SAMD5: variants seen among roughly 807,000 people sequenced by gnomAD.
SAMD5 encodes sterile alpha motif domain-containing protein 5.
SAMD5 carries 13 observed loss-of-function variants against 11.3 expected under a neutral mutation model. The ratio of observed to expected loss-of-function variants is 1.15; its 90% CI spans 0.75 to 1.83. SAMD5 has a LOEUF of 1.83. SAMD5 is among the 40% of genes most tolerant of loss of function. The pLI is 0.00. For missense variants in SAMD5, 255 were observed against 239.1 expected, an observed-to-expected ratio of 1.07 and a Z score of -0.44; for synonymous variants, 129 against 111.3, an observed-to-expected ratio of 1.16 and a Z score of -1.00.
the SAMD5 span, among the ~76,000 whole-genome samples, chr6:147,945,968 C>A: frequency 6.6e-6 from 1 of 152,210 alleles, no homozygotes; most frequent in African/African-American, 2.4e-5. Context: ...GCCGAGCATT[C>A]AAGGACCACT....
chr6:147,765,208 T>TC, the SAMD5 span, among the ~76,000 whole-genome samples: 1 of 151,510 alleles, frequency 6.6e-6, no homozygotes, highest in African/African-American at 2.4e-5. Context: ...TATTTTCTTG[T>TC]CTTTTTTTTG....
At chr6:147,890,463 A>G in the SAMD5 span, among the ~76,000 whole-genome samples, 1 of 151,690 alleles carries the variant, frequency 6.6e-6, no homozygotes, top group African/African-American at 2.4e-5. Context: ...GATTCAAGCA[A>G]TTCTCCTGTC....
the SAMD5 span, among the ~76,000 whole-genome samples, chr6:147,752,572 GAC>G: frequency 0.027 from 4,100 of 152,232 alleles, 145 homozygotes; most frequent in African/African-American, 0.082. Context: ...TTGAAAAAAT[GAC>G]AGTTTGTGTG....
intron 1 of SAMD5, among the ~76,000 whole-genome samples, chr6:147,601,760 G>C (rs914256527): frequency 1.3e-5 from 2 of 152,192 alleles, no homozygotes; most frequent in East Asian, 3.8e-4. Context: ...TGGTACTAAA[G>C]GATGAATCAT....
At chr6:147,915,013 A>G in the SAMD5 span, among the ~76,000 whole-genome samples, 1 of 152,330 alleles carries the variant, frequency 6.6e-6, no homozygotes, top group South Asian at 2.1e-4. Context: ...CTAAAGAGAC[A>G]TGAGAACTAA....
the SAMD5 span, among the ~76,000 whole-genome samples, chr6:147,848,960 A>G: frequency 6.6e-6 from 1 of 152,168 alleles, no homozygotes; most frequent in Non-Finnish European, 1.5e-5. Flanking sequence ...CTTTTTCTGT[A>G]AAGAGACAGA....
the SAMD5 span, among the ~76,000 whole-genome samples, chr6:147,811,600 G>A: frequency 1.3e-5 from 2 of 152,170 alleles, no homozygotes; most frequent in East Asian, 3.9e-4. Flanking sequence ...GGAGAACACA[G>A]GCTGGGCTGA....
the SAMD5 span, among the ~76,000 whole-genome samples, chr6:147,791,681 A>G: frequency 6.6e-6 from 1 of 152,192 alleles, no homozygotes; most frequent in East Asian, 1.9e-4. Context: ...AAAAGTGTAA[A>G]TAAATATCCT....
chr6:147,571,881 C>T (rs559179065), downstream of SAMD5, among the ~76,000 whole-genome samples: 16 of 152,280 alleles, frequency 1.1e-4, no homozygotes, highest in South Asian at 3.1e-3. Flanking sequence ...CTTCCTTTTA[C>T]ACCTTCAGTC....
At chr6:147,789,023 G>T in the SAMD5 span, among the ~76,000 whole-genome samples, 1 of 151,592 alleles carries the variant, frequency 6.6e-6, no homozygotes, top group Admixed American at 6.6e-5. Flanking sequence ...GGTGGAGCTT[G>T]CAGTGAGCCC....
At chr6:147,594,089 A>G (rs753864351) in intron 1 of SAMD5, among the ~76,000 whole-genome samples, 11 of 151,890 alleles carry the variant, frequency 7.2e-5, no homozygotes, top group Non-Finnish European at 1.0e-4. Context: ...AGATCGCGCC[A>G]CTGCACTCCA....
chr6:147,781,171 T>C, the SAMD5 span, among the ~76,000 whole-genome samples: 1 of 151,790 alleles, frequency 6.6e-6, no homozygotes, highest in African/African-American at 2.4e-5. Context: ...TTTTTTTTTT[T>C]TTGAGACAGG....
chr6:147,546,962 G>A (rs1386881535), intron 1 of SAMD5, among the ~76,000 whole-genome samples: 2 of 152,018 alleles, frequency 1.3e-5, no homozygotes, highest in Non-Finnish European at 2.9e-5. Flanking sequence ...GTAGTTGATG[G>A]CCTCACCTGA....
At chr6:147,699,086 A>G (rs1325262841) in intron 1 of SAMD5, among the ~76,000 whole-genome samples, 1 of 151,818 alleles carries the variant, frequency 6.6e-6, no homozygotes, top group Non-Finnish European at 1.5e-5. Flanking sequence ...GGTTCTCAAC[A>G]CCCCCTGGAT....
chr6:147,885,617 A>G, the SAMD5 span, among the ~76,000 whole-genome samples: 14 of 152,350 alleles, frequency 9.2e-5, no homozygotes, highest in African/African-American at 3.1e-4. Context: ...AAGCAGGATT[A>G]GAGCCACAAA....
the SAMD5 span, among the ~76,000 whole-genome samples, chr6:147,927,943 GTTCTC>G: frequency 6.6e-6 from 1 of 152,116 alleles, no homozygotes; most frequent in Non-Finnish European, 1.5e-5. Flanking sequence ...TTTGTCTTTA[GTTCTC>G]TTTATGTGAT....
intron 1 of SAMD5, among the ~76,000 whole-genome samples, chr6:147,633,333 T>C (rs1418307022): frequency 6.6e-6 from 1 of 152,136 alleles, no homozygotes; most frequent in Admixed American, 6.5e-5. Flanking sequence ...CCATGTCTTC[T>C]GTTTGTGAAG....
In SAMD5 at chr6:147,511,370, C is replaced by T. The variant is rs377287811; in HGVS notation, c.459+1983C>T. Among the ~76,000 whole-genome samples, 25 of 152,318 alleles carry T rather than the reference C, an allele frequency of 1.6e-4. No individual in the cohort carries two copies. In the East Asian group the frequency reaches 4.2e-3, roughly 26 times the overall value. The stretch of plus-strand genomic sequence containing the variant: ...GGTCTCCTGCCTAGATCAGTGGGTG[C>T]TATGGTAGTGCATTTGCATAAGTGC... On this transcript the variant is annotated intron_variant, in intron 1 of 1. Coordinates refer to ENST00000367474, the MANE Select transcript of SAMD5 (RefSeq NM_001030060.3).
chr6:147,517,226 C>T (rs1788184493), intron 1 of SAMD5, among the ~76,000 whole-genome samples: 1 of 152,226 alleles, frequency 6.6e-6, no homozygotes, highest in Non-Finnish European at 1.5e-5. Flanking sequence ...CTGGCTAAAT[C>T]ATGACATAGT....
Sources: allele counts gnomAD v4.1 joint callset (sites outside exome capture counted in the v4.1 genomes callset), GRCh38; gene constraint gnomAD v4.1.1; transcripts MANE v1.5; gene names NCBI Gene and HGNC (gene_info 2026-07-23, HGNC 2026-07-21).